Variants in LRRC4C observed in about 807,000 individuals in gnomAD.
LRRC4C encodes leucine-rich repeat-containing protein 4C.
A neutral mutation model predicts 33.6 loss-of-function variants in LRRC4C; 5 were observed. The observed-to-expected ratio is 0.15, with a 90% confidence interval of 0.08 to 0.31. The LOEUF (loss-of-function observed/expected upper bound fraction) is 0.31, where lower values mean the gene tolerates loss of function less well. LRRC4C is among the 10% of genes least tolerant of loss of function. LRRC4C has a pLI of 1.00. For synonymous variants in LRRC4C, 329 were observed against 302.0 expected (o/e 1.09, Z -0.93); for missense variants, 560 against 796.7 (o/e 0.70, Z 3.58).
At chr11:40,555,969 C>A (rs1041823696) in intron 3 of LRRC4C, among the ~76,000 whole-genome samples, 2 of 151,836 alleles carry the variant, frequency 1.3e-5, no homozygotes, top group Admixed American at 1.3e-4. Context: ...ATTTCAGAAC[C>A]AAGGATAATA....
At chr11:41,143,496 G>T (rs16935404) in intron 1 of LRRC4C, among the ~76,000 whole-genome samples, 1 of 152,040 alleles carries the variant, frequency 6.6e-6, no homozygotes, top group African/African-American at 2.4e-5. Context: ...CAAAATTAAC[G>T]TAGGTTGAGA....
chr11:40,218,543 T>A (rs1864138036), intron 5 of LRRC4C, among the ~76,000 whole-genome samples: 1 of 152,148 alleles, frequency 6.6e-6, no homozygotes, highest in South Asian at 2.1e-4. Context: ...AAGAGACCCA[T>A]AAGTTTCTAA....
In LRRC4C at chr11:40,518,555, C is replaced by A. The variant is rs755691988; in HGVS notation, c.-270+129587G>T. On this transcript the variant is annotated intron_variant, in intron 3 of 6. Transcript: ENST00000528697. ...TGCAAATCAAAACCACAATGAGATA[C>A]CATCTCACAGCAGTTAGAATGGCAA... 4.6e-5 allele frequency among the ~76,000 whole-genome samples: 7 copies of A among 152,226 alleles called. No individual in the cohort carries two copies. In the South Asian group the frequency reaches 1.2e-3, roughly 27 times the overall value.
rs536125695 is a variant in LRRC4C, at chr11:41,101,443, T to C, written c.-495-167720A>G. ...CAGAGAAAGGCAATCGAAACCACAA[T>C]GAGATACCAGCTCACACCAGGGAGA... On this transcript the variant is annotated intron_variant, in intron 1 of 6. Transcript: ENST00000528697. 2.0e-4 allele frequency among the ~76,000 whole-genome samples: 31 copies of C among 152,092 alleles called. No individual in the cohort carries two copies. The South Asian group carries it at 5.2e-3, about 25-fold the overall frequency.
At chr11:40,929,417 C>G (rs936739335) in intron 2 of LRRC4C, among the ~76,000 whole-genome samples, 1 of 152,046 alleles carries the variant, frequency 6.6e-6, no homozygotes, top group African/African-American at 2.4e-5. Context: ...TAAATAAAAA[C>G]AAAGTAGTGC....
intron 2 of LRRC4C, among the ~76,000 whole-genome samples, chr11:40,712,165 A>T (rs901732921): frequency 2.6e-5 from 4 of 152,186 alleles, no homozygotes; most frequent in Non-Finnish European, 4.4e-5. Flanking sequence ...TCATTGACAA[A>T]TGCTCTGCAT....
chr11:40,132,731 A>G (rs1296879585), intron 6 of LRRC4C, among the ~76,000 whole-genome samples: 1 of 152,140 alleles, frequency 6.6e-6, no homozygotes, highest in Non-Finnish European at 1.5e-5. Flanking sequence ...AACATAACCA[A>G]AACCCCAATA....
chr11:40,542,052 C>CTCTTTCTCTCTT lies in LRRC4C; in HGVS notation c.-270+106089_-270+106090insAAGAGAGAAAGA, dbSNP rs1555096426. Among the ~76,000 whole-genome samples, 3 of 149,260 alleles carry CTCTTTCTCTCTT rather than the reference C, an allele frequency of 2.0e-5. No individual in the cohort carries two copies. The Admixed American group carries it at 2.0e-4, about 10-fold the overall frequency. ...TCTCTTTCTCTTTCTTTCTCTTTCT[C>CTCTTTCTCTCTT]TCTTTCTTTCTTTCTCTCTCTCTTT... is the stretch of plus-strand genomic sequence containing the variant. On this transcript the variant is annotated intron_variant, in intron 3 of 6. Transcript: ENST00000528697.
At chr11:40,505,592 C>G (rs1456085408) in intron 3 of LRRC4C, among the ~76,000 whole-genome samples, 1 of 152,066 alleles carries the variant, frequency 6.6e-6, no homozygotes, top group African/African-American at 2.4e-5. Flanking sequence ...TCCTTGGCTT[C>G]AAGATTTTCT....
intron 3 of LRRC4C, among the ~76,000 whole-genome samples, chr11:40,502,063 G>A (rs1954800811): frequency 6.6e-6 from 1 of 152,128 alleles, no homozygotes; most frequent in Admixed American, 6.5e-5. Flanking sequence ...GGGGCAAAAT[G>A]CTGCCAGTCT....
At chr11:41,412,940 T>G (rs1037755242) in intron 1 of LRRC4C, among the ~76,000 whole-genome samples, 1 of 152,200 alleles carries the variant, frequency 6.6e-6, no homozygotes, top group Non-Finnish European at 1.5e-5. Flanking sequence ...ATTTGTTAAT[T>G]TTGTCCTTCA....
chr11:40,135,719 A>G (rs955299372), intron 6 of LRRC4C, among the ~76,000 whole-genome samples: 1 of 152,184 alleles, frequency 6.6e-6, no homozygotes, highest in South Asian at 2.1e-4. Flanking sequence ...ATAATCTGAA[A>G]AAGCACGGGG....
rs139568630 is a variant in LRRC4C, at chr11:40,335,589, A to G, written c.-269-15868T>C. Reference sequence around the variant, plus strand: ...AAATCTTAGAAATTTAGTTATGACAATTGTTAGATGTGCCAAATTCAAATG... The same window carrying G: ...AAATCTTAGAAATTTAGTTATGACAGTTGTTAGATGTGCCAAATTCAAATG... On this transcript the variant is annotated intron_variant, in intron 3 of 6. Transcript: ENST00000528697. 3.9e-5 allele frequency among the ~76,000 whole-genome samples: 6 copies of G among 152,366 alleles called. No homozygotes were observed. In the East Asian group the frequency reaches 5.8e-4, roughly 15 times the overall value.
chr11:40,204,489 A>C (rs575235215), intron 5 of LRRC4C, among the ~76,000 whole-genome samples: 1 of 152,214 alleles, frequency 6.6e-6, no homozygotes, highest in East Asian at 1.9e-4. Context: ...TCAGTTTTGC[A>C]ACCTCTCTCA....
chr11:40,490,461 C>T (rs1004834501), intron 3 of LRRC4C, among the ~76,000 whole-genome samples: 1 of 152,116 alleles, frequency 6.6e-6, no homozygotes, highest in Non-Finnish European at 1.5e-5. Context: ...TATGCATCTC[C>T]TTCCAAAAAT....
intron 1 of LRRC4C, among the ~76,000 whole-genome samples, chr11:41,408,744 T>C (rs554291860): frequency 3.4e-5 from 2 of 58,806 alleles, no homozygotes; most frequent in African/African-American, 2.0e-4. Context: ...AGGTATATTT[T>C]TGTAAAAAAA....
intron 1 of LRRC4C, among the ~76,000 whole-genome samples, chr11:41,263,709 G>C (rs1003935086): frequency 5.3e-5 from 8 of 152,068 alleles, no homozygotes; most frequent in African/African-American, 1.9e-4. Context: ...GGTCATTCGG[G>C]TAACAGTCAA....
chr11:40,640,140 C>A (rs1226968492), intron 3 of LRRC4C, among the ~76,000 whole-genome samples: 1 of 152,156 alleles, frequency 6.6e-6, no homozygotes, highest in African/African-American at 2.4e-5. Context: ...ACTGTGAAAT[C>A]ACATTCAGGA....
chr11:40,687,158 C>T (rs1234237223), intron 2 of LRRC4C, among the ~76,000 whole-genome samples: 1 of 152,050 alleles, frequency 6.6e-6, no homozygotes, highest in Non-Finnish European at 1.5e-5. Flanking sequence ...TCAAGTGCAA[C>T]AGTTTGAGAA....
Sources: gnomAD v4.1 joint callset for allele counts (sites outside exome capture counted in the v4.1 genomes callset) on GRCh38, gnomAD v4.1.1 for gene constraint, MANE v1.5 for transcripts, NCBI Gene and HGNC (gene_info 2026-07-23, HGNC 2026-07-21) for gene names.